DNHD1: variants seen among roughly 807,000 people sequenced by gnomAD.
The protein encoded by DNHD1 is dynein heavy chain domain 1.
Under a neutral mutation model 458.1 loss-of-function variants are expected in DNHD1, and 383 were observed. The observed-to-expected ratio is 0.84, with a 90% confidence interval of 0.77 to 0.91. DNHD1 has a LOEUF of 0.91. Among genes scored for constraint, DNHD1 ranks in the 40% least tolerant of loss-of-function variants. The pLI is 0.00. For missense variants in DNHD1, 5,336 were observed against 5,866.1 expected, an observed-to-expected ratio of 0.91 and a Z score of 2.95; for synonymous variants, 2,203 against 2,376.9, an observed-to-expected ratio of 0.93 and a Z score of 2.13.
At chr11:6,513,602 A>G (rs1852391235) in intron 7 of DNHD1, among the ~76,000 whole-genome samples, 1 of 152,230 alleles carries the variant, frequency 6.6e-6, no homozygotes, top group African/African-American at 2.4e-5. Flanking sequence ...CAATTTATAT[A>G]TTCATTCTTC....
Position 6,533,694 on chromosome 11 carries a change from A to G in DNHD1, c.2519A>G (p.Asn840Ser), listed in dbSNP as rs147337432. The G allele has an allele frequency of 7.7e-6, 12 of 1,548,534 alleles. No homozygotes were observed. Among genetic ancestry groups the G allele is most frequent in the South Asian group, 4.8e-5 (4 of 83,846 alleles). ...TAATTCCTGCAGTTGAATGAAGCCA[A>G]TGAACAGTACGTCGAGCTGGAGGAG... Reference protein sequence around the residue: ...AQCTQKLNEANEQYVELEERM... With the variant: ...AQCTQKLNEASEQYVELEERM... Residue 840 changes from asparagine (N) to serine (S), a missense_variant, in exon 14 of 43, where the codon AAT becomes AGT. Coordinates refer to ENST00000254579, the MANE Select transcript of DNHD1 (RefSeq NM_144666.3).
chr11:6,539,263 G>A lies in DNHD1; in HGVS notation c.3370G>A (p.Gly1124Ser). 6.4e-7 allele frequency: 1 copy of A among 1,551,600 alleles called. No individual in the cohort carries two copies. Among genetic ancestry groups the A allele is most frequent in the Non-Finnish European group, 8.7e-7 (1 of 1,146,970 alleles). Residue 1124 changes from glycine to serine, a missense_variant, in exon 17 of 43, where the codon GGC (glycine) becomes AGC (serine). Physicochemically the swap from Gly to Ser is moderately conservative, Grantham distance 56 (BLOSUM62 0). Coordinates refer to ENST00000254579, the MANE Select transcript of DNHD1 (RefSeq NM_144666.3). ...CCAAACTATAGAACTCCTAACGCTG[G>A]GCCAGCTGCTTACTTATCCACTGCT... Reference protein sequence around the residue: ...SLQTIELLTLGQLLTYPLLEF... With the variant: ...SLQTIELLTLSQLLTYPLLEF...
In DNHD1 at chr11:6,508,830, G is replaced by A. The variant is rs191737842; in HGVS notation, c.921-50G>A. On this transcript the variant is annotated intron_variant, in intron 4 of 42. Transcript: ENST00000254579. ...CTGTATCCTCCTTTGGTCTCTTAAA[G>A]TCTGACCACGTTCCCAGGGCCTTCA... 10,251 of 1,592,054 alleles carry A rather than the reference G, an allele frequency of 6.4e-3. 58 individuals are homozygous for A. Among genetic ancestry groups the A allele is most frequent in the Middle Eastern group, 0.02 (100 of 4,890 alleles).
At chr11:6,562,278 G>T (rs1853602475) in intron 28 of DNHD1, among the ~76,000 whole-genome samples, 1 of 152,184 alleles carries the variant, frequency 6.6e-6, no homozygotes, top group Non-Finnish European at 1.5e-5. Context: ...GAATACACAG[G>T]AGAGGAGTCA....
At chr11:6,551,717 C>T (rs1454626724) in intron 24 of DNHD1, among the ~76,000 whole-genome samples, 1 of 151,914 alleles carries the variant, frequency 6.6e-6, no homozygotes, top group Admixed American at 6.6e-5. Flanking sequence ...CCAAGGAGGG[C>T]AGATCACGAG....
intron 24 of DNHD1, among the ~76,000 whole-genome samples, chr11:6,551,771 T>C (rs570161758): frequency 8.6e-5 from 13 of 151,982 alleles, no homozygotes; most frequent in Non-Finnish European, 1.6e-4. Context: ...TGAAACCCCG[T>C]CTCTACTAAA....
At position 6,557,120 on chromosome 11, in the gene DNHD1, G is replaced by A. The variant is rs1853480167; in HGVS notation, c.7825G>A (p.Gly2609Ser). The change falls in exon 25 of 43, where the codon GGC becomes AGC. Residue 2609 changes from glycine (G) to serine (S), a missense_variant. By Grantham distance (56) the Gly-to-Ser change is moderately conservative. Around this residue, in one of 4 missense-constraint regions of DNHD1, gnomAD observed 3,932 missense variants for 4,365.6 expected, o/e 0.90. Transcript: ENST00000254579. The stretch of plus-strand genomic sequence containing the variant: ...CCTGCAGCTGCTGCCCAACAGAACA[G>A]GCTCCCGAGGTTTTGTGGACTATCC... ...SSLQLLPNRT[G>S]SRGFVDYPNH... The A allele has an allele frequency of 1.3e-6, 2 of 1,551,730 alleles. No individual in the cohort carries two copies. Among genetic ancestry groups the A allele is most frequent in the Admixed American group, 2.0e-5 (1 of 51,008 alleles).
intron 3 of DNHD1, 136 bp from the exon 4 acceptor site, chr11:6,502,617 G>C: frequency 1.5e-6 from 1 of 666,650 alleles, no homozygotes; most frequent in Non-Finnish European, 2.4e-6. Context: ...TGGTAGTCAG[G>C]CTCGACAATG....
At chr11:6,520,987 A>C in intron 10 of DNHD1, 1 of 500,194 alleles carries the variant, frequency 2.0e-6, no homozygotes, top group Non-Finnish European at 2.6e-6. Context: ...AGGTTCACTG[A>C]AAGGAACCTG....
chr11:6,564,683 A>G lies in DNHD1; in HGVS notation c.10635A>G (p.Thr3545=). Reference sequence around the variant, plus strand: ...CAGGCTTGCTTCTGCGAAGCCCCACACACTACAGTAGTTGCCGTTGGCCTC... The same window carrying G: ...CAGGCTTGCTTCTGCGAAGCCCCACGCACTACAGTAGTTGCCGTTGGCCTC... The part of the protein sequence containing the change: ...HLAGLLLRSP[T]HYSSCRWPLL... The change falls in exon 32 of 43, where the codon ACA becomes ACG. Residue 3545 remains threonine, a synonymous_variant. Coordinates refer to ENST00000254579, the MANE Select transcript of DNHD1 (RefSeq NM_144666.3). 2 of 1,551,646 alleles carry G rather than the reference A, an allele frequency of 1.3e-6. No homozygotes were observed. The highest frequency in any genetic ancestry group is 1.7e-6 in the Non-Finnish European group (2 of 1,146,986).
chr11:6,539,504 C>CT (rs945683341), intron 17 of DNHD1, among the ~76,000 whole-genome samples, 191 bp downstream of exon 17: 4 of 152,206 alleles, frequency 2.6e-5, no homozygotes, highest in East Asian at 1.9e-4. Flanking sequence ...CTCCCAGTGA[C>CT]TGAGAGTATG....
chr11:6,528,402 T>TA, intron 10 of DNHD1, 120 bp from the exon 11 acceptor site: 1 of 1,142,700 alleles, frequency 8.8e-7, no homozygotes, highest in South Asian at 1.7e-5. Flanking sequence ...GAGCAGCGAA[T>TA]GGGTGTGTGT....
rs1177382988 is a variant in DNHD1 at position 6,529,034 on chromosome 11, C to T, written c.2260C>T (p.Gln754Ter). 2 of 1,551,086 alleles carry T rather than the reference C, an allele frequency of 1.3e-6. No homozygotes were observed. The highest frequency in any genetic ancestry group is 1.7e-6 in the Non-Finnish European group (2 of 1,147,004). ...GCTGGTGAGCCGCCTGAATGTTTGG[C>T]AGGCCCGTGTCTCCAGTATGCCTAT... ...VTLVSRLNVW[Q>*]ARVSSMPIEL... The change falls in exon 12 of 43, where the codon CAG becomes TAG. Residue 754 changes from glutamine to a stop codon, truncating the protein, a stop_gained. Transcript: ENST00000254579. LOFTEE classifies it high-confidence loss of function.
At chr11:6,512,228 T>C (rs55637403) in intron 7 of DNHD1, among the ~76,000 whole-genome samples, 121 of 85,218 alleles carry the variant, frequency 1.4e-3, no homozygotes, top group Non-Finnish European at 2.1e-3. Flanking sequence ...TTTTTTTTTT[T>C]TTTTTTTTTT....
rs762311848 is a variant in DNHD1, at chr11:6,570,275, G to A, written c.12984G>A (p.Gly4328=). Reference sequence around the variant, plus strand: ...CAGTTTTCTACGGGGGTCCTCTGGGGGACACTGAGGACAGGGAGGCCCTGA... The same window carrying A: ...CAGTTTTCTACGGGGGTCCTCTGGGAGACACTGAGGACAGGGAGGCCCTGA... ...AASVFYGGPL[G]DTEDREALIS... is the part of the protein sequence containing the mutation. Residue 4328 remains glycine (G), a synonymous_variant, in exon 41 of 43, where the codon GGG becomes GGA. Transcript: ENST00000254579. The A allele has an allele frequency of 6.2e-7, 1 of 1,613,690 alleles. No homozygotes were observed. The highest frequency in any genetic ancestry group is 8.5e-7 in the Non-Finnish European group (1 of 1,179,786).
intron 14 of DNHD1, among the ~76,000 whole-genome samples, chr11:6,535,482 A>T (rs1396503102): frequency 2.0e-5 from 3 of 152,208 alleles, no homozygotes; most frequent in Admixed American, 2.0e-4. Flanking sequence ...GGTAGGTACA[A>T]GATGAACCTA....
intron 14 of DNHD1, 74 bp from the exon 15 acceptor site, chr11:6,538,309 C>T: frequency 6.9e-7 from 1 of 1,457,936 alleles, no homozygotes; most frequent in Non-Finnish European, 9.4e-7. Context: ...ATTATGGGCT[C>T]TTGACTGATC....
Position 6,566,326 on chromosome 11 carries a change from A to G in DNHD1, c.11139A>G (p.Pro3713=). 6.4e-7 allele frequency: 1 copy of G among 1,552,812 alleles called. No individual in the cohort carries two copies. Among genetic ancestry groups the G allele is most frequent in the Non-Finnish European group, 8.7e-7 (1 of 1,147,758 alleles). Residue 3713 remains proline, a synonymous_variant, in exon 34 of 43, where the codon CCA becomes CCG. Coordinates refer to ENST00000254579, the MANE Select transcript of DNHD1 (RefSeq NM_144666.3). ...QWLLQREQLS[P]PQVQPGFCLY... is the part of the protein sequence containing the mutation. Reference sequence around the variant, plus strand: ...TGCTGCAACGGGAGCAGCTGAGTCCACCCCAGGTGCAGCCTGGCTTCTGTC... The same window carrying G: ...TGCTGCAACGGGAGCAGCTGAGTCCGCCCCAGGTGCAGCCTGGCTTCTGTC...
chr11:6,511,829 G>A (rs1206237393), intron 7 of DNHD1, among the ~76,000 whole-genome samples: 2 of 152,230 alleles, frequency 1.3e-5, no homozygotes, highest in Non-Finnish European at 2.9e-5. Flanking sequence ...GTGGAAGGAT[G>A]CAATGATGGA....
Sources: gnomAD v4.1 joint callset for allele counts (sites outside exome capture counted in the v4.1 genomes callset) on GRCh38, gnomAD v4.1.1 for gene constraint, gnomAD v4.1.1 regional missense constraint, MANE v1.5 for transcripts, NCBI Gene and HGNC (gene_info 2026-07-23, HGNC 2026-07-21) for gene names.